The following SLIT3 variants were observed in gnomAD, a reference collection of about 807,000 sequenced individuals.
SLIT3 encodes slit homolog 3 protein.
A neutral mutation model predicts 184.0 loss-of-function variants in SLIT3; 68 were observed. The ratio of observed to expected loss-of-function variants is 0.37; its 90% CI spans 0.30 to 0.45. The LOEUF is 0.45. SLIT3 is among the 20% of genes least tolerant of loss of function. SLIT3 has a pLI of 1.00. For missense variants in SLIT3, 1,707 were observed against 2,026.0 expected, an observed-to-expected ratio of 0.84 and a Z score of 3.02; for synonymous variants, 831 against 828.6, an observed-to-expected ratio of 1.00 and a Z score of -0.05.
intron 35 of SLIT3, among the ~76,000 whole-genome samples, chr5:168,669,236 C>G (rs956481426): frequency 6.6e-6 from 1 of 152,180 alleles, no homozygotes; most frequent in African/African-American, 2.4e-5. Flanking sequence ...TGAGTGACTT[C>G]CAATTGTAGG....
chr5:169,160,806 C>T (rs1465862604), intron 4 of SLIT3, among the ~76,000 whole-genome samples: 1 of 152,166 alleles, frequency 6.6e-6, no homozygotes, highest in African/African-American at 2.4e-5. Context: ...CACGTGAAGC[C>T]CATTCTCCCA....
intron 14 of SLIT3, among the ~76,000 whole-genome samples, chr5:168,763,749 G>A (rs961807739): frequency 1.3e-5 from 2 of 152,154 alleles, no homozygotes; most frequent in Non-Finnish European, 2.9e-5. Flanking sequence ...TCAGACATAA[G>A]CTTATTGATG....
intron 4 of SLIT3, among the ~76,000 whole-genome samples, chr5:168,971,532 G>A (rs1452481274): frequency 6.6e-6 from 1 of 152,094 alleles, no homozygotes; most frequent in Non-Finnish European, 1.5e-5. Context: ...TCCCAATCCC[G>A]AAACAGACTT....
At chr5:169,140,331 A>AAT (rs1761678238) in intron 4 of SLIT3, among the ~76,000 whole-genome samples, 1 of 137,606 alleles carries the variant, frequency 7.3e-6, no homozygotes, top group Non-Finnish European at 1.6e-5. Flanking sequence ...AAAAAAAAAA[A>AAT]AAAGCCAGGC....
intron 4 of SLIT3, among the ~76,000 whole-genome samples, chr5:169,164,817 G>A (rs371656403): frequency 1.3e-5 from 2 of 152,350 alleles, no homozygotes; most frequent in South Asian, 2.1e-4. Flanking sequence ...CCTGTTCCCA[G>A]GCTTCCCAGG....
chr5:169,035,647 G>GAAAAAAAAAAAAAAAAAAAAA (rs201819555), intron 4 of SLIT3, among the ~76,000 whole-genome samples: 1 of 103,590 alleles, frequency 9.7e-6, no homozygotes, highest in African/African-American at 3.7e-5. Context: ...ACTGCATCTG[G>GAAAAAAAAAAAAAAAAAAAAA]AAAAAAAAAA....
At position 168,687,055 on chromosome 5, in the gene SLIT3, C is replaced by A. The variant is rs1416785802; in HGVS notation, c.3238G>T (p.Ala1080Ser). Residue 1080 changes from alanine (A) to serine (S), a missense_variant, in exon 30 of 36, where the codon GCC (alanine) becomes TCC (serine). Ala to Ser is a moderately conservative substitution (Grantham distance 99). This residue lies in a region of SLIT3 where 1,307 missense variants were observed against 1,511.6 expected (regional missense o/e 0.86). Coordinates refer to ENST00000519560, the MANE Select transcript of SLIT3 (RefSeq NM_003062.4). ...LCETDNDDCVAHKCRHGAQCV... is the reference protein window; with the variant it reads ...LCETDNDDCVSHKCRHGAQCV... ...TGGGCCCCGTGGCGGCACTTGTGGGCCACACAGTCATCATTGTCTGTCTCA... is the reference window on the plus strand; with the variant it reads ...TGGGCCCCGTGGCGGCACTTGTGGGACACACAGTCATCATTGTCTGTCTCA... 1 of 1,614,270 alleles carries A rather than the reference C, an allele frequency of 6.2e-7. No individual in the cohort carries two copies. Among genetic ancestry groups the A allele is most frequent in the Admixed American group, 1.7e-5 (1 of 60,036 alleles).
At chr5:168,828,658 C>CAAA (rs56974958) in intron 6 of SLIT3, among the ~76,000 whole-genome samples, 7 of 97,128 alleles carry the variant, frequency 7.2e-5, no homozygotes, top group Non-Finnish European at 1.0e-4. Context: ...GATCCTGACT[C>CAAA]AAAAAAAAAA....
intron 4 of SLIT3, among the ~76,000 whole-genome samples, chr5:168,883,906 G>A (rs1028925224): frequency 2.6e-5 from 4 of 152,080 alleles, no homozygotes; most frequent in Non-Finnish European, 4.4e-5. Context: ...TGACAGGCAC[G>A]ATAATTTCAA....
chr5:169,057,460 T>C (rs1379933038), intron 4 of SLIT3, among the ~76,000 whole-genome samples: 1 of 152,194 alleles, frequency 6.6e-6, no homozygotes, highest in Non-Finnish European at 1.5e-5. Flanking sequence ...ATGGTGAGGT[T>C]AAGCAGAGAG....
At position 168,844,487 on chromosome 5, in the gene SLIT3, C is replaced by T. The variant is rs1293191701; in HGVS notation, c.557+97G>A. 3.5e-6 allele frequency: 4 copies of T among 1,132,082 alleles called. No individual in the cohort carries two copies. The African/African-American group carries it at 4.6e-5, about 13-fold the overall frequency. The allele number at this position is 1,132,082 out of a possible 1,614,324, so 70.1% of individuals were successfully genotyped here. ...CAGAAATGCATTCACACAGACCCTC[C>T]TGCACACACTCTCCCCCTCTCTCCT... On this transcript the variant is annotated intron_variant, in intron 6 of 35. Transcript: ENST00000519560.
chr5:168,920,515 G>A (rs1761600681), intron 4 of SLIT3, among the ~76,000 whole-genome samples: 1 of 152,128 alleles, frequency 6.6e-6, no homozygotes, highest in African/African-American at 2.4e-5. Context: ...GACCATCACG[G>A]CGGCACGGAA....
chr5:169,138,245 G>T (rs1761594054), intron 4 of SLIT3, among the ~76,000 whole-genome samples: 1 of 152,136 alleles, frequency 6.6e-6, no homozygotes, highest in Non-Finnish European at 1.5e-5. Flanking sequence ...AAACGCATGG[G>T]ACTTATACCC....
At chr5:169,059,733 C>T (rs1469798320) in intron 4 of SLIT3, among the ~76,000 whole-genome samples, 10 of 152,332 alleles carry the variant, frequency 6.6e-5, no homozygotes, top group Admixed American at 1.3e-4. Flanking sequence ...ACCAGTCCCA[C>T]GTTGCCACGA....
chr5:169,245,482 C>T lies in SLIT3; in HGVS notation c.270-706G>A, dbSNP rs565084204. 2.0e-5 allele frequency among the ~76,000 whole-genome samples: 3 copies of T among 152,102 alleles called. No homozygotes were observed. In the South Asian group the frequency reaches 6.3e-4, roughly 32 times the overall value. The stretch of plus-strand genomic sequence containing the variant: ...TTCCCTAACTTAAAAAAAAAATGGC[C>T]GCTTAAATGGATGAGCTGAACAGCA... On this transcript the variant is annotated intron_variant, in intron 2 of 35. Coordinates refer to ENST00000519560, the MANE Select transcript of SLIT3 (RefSeq NM_003062.4).
intron 27 of SLIT3, among the ~76,000 whole-genome samples, chr5:168,698,483 C>T (rs1378637254): frequency 6.6e-6 from 1 of 152,090 alleles, no homozygotes; most frequent in Non-Finnish European, 1.5e-5. Flanking sequence ...CCAGGAACAC[C>T]AGAAGCCAGG....
chr5:168,787,800 G>A (rs958520896), intron 11 of SLIT3, among the ~76,000 whole-genome samples: 2 of 151,968 alleles, frequency 1.3e-5, no homozygotes, highest in East Asian at 1.9e-4. Context: ...ACAGGTAAGG[G>A]GTAAAGGCTC....
intron 20 of SLIT3, among the ~76,000 whole-genome samples, chr5:168,736,272 C>T (rs1252791654): frequency 6.6e-6 from 1 of 152,228 alleles, no homozygotes; most frequent in Non-Finnish European, 1.5e-5. Context: ...AGATGGCTGT[C>T]ACTGTCCAAT....
At chr5:168,839,530 T>C (rs1034503322) in intron 6 of SLIT3, among the ~76,000 whole-genome samples, 2 of 152,176 alleles carry the variant, frequency 1.3e-5, no homozygotes, top group African/African-American at 4.8e-5. Context: ...ATGTAAGATA[T>C]CTCAATTTTT....
Sources: allele counts gnomAD v4.1 joint callset (sites outside exome capture counted in the v4.1 genomes callset), GRCh38; gene constraint gnomAD v4.1.1; regional missense constraint gnomAD v4.1.1; transcripts MANE v1.5; gene names NCBI Gene and HGNC (gene_info 2026-07-23, HGNC 2026-07-21).